WDPCP: variants seen among roughly 807,000 people sequenced by gnomAD.
WDPCP encodes WD repeat containing planar cell polarity effector.
WDPCP carries 71 observed loss-of-function variants against 93.1 expected under a neutral mutation model. That is an observed-to-expected ratio of 0.76 (90% CI 0.63 to 0.93). The LOEUF (loss-of-function observed/expected upper bound fraction) is 0.93. WDPCP is among the 40% of genes least tolerant of loss of function. The pLI is 0.00. For synonymous variants in WDPCP, 315 were observed against 315.0 expected, an observed-to-expected ratio of 1.00 and a Z score of 0.00; for missense variants, 844 against 887.4, an observed-to-expected ratio of 0.95 and a Z score of 0.62.
chr2:63,380,712 G>C (rs991042215), intron 11 of WDPCP, among the ~76,000 whole-genome samples: 2 of 152,062 alleles, frequency 1.3e-5, no homozygotes, highest in African/African-American at 4.8e-5. Flanking sequence ...AACAGAGTGA[G>C]ACTGTCTCTA....
chr2:63,768,421 T>C (rs768506950), intron 2 of WDPCP, among the ~76,000 whole-genome samples: 1 of 151,970 alleles, frequency 6.6e-6, no homozygotes, highest in Non-Finnish European at 1.5e-5. Flanking sequence ...TGTCAACTTT[T>C]AAAAAATCTG....
chr2:63,510,125 CAAAAAAAGAAA>C (rs992277379), intron 1 of WDPCP, among the ~76,000 whole-genome samples: 15 of 151,912 alleles, frequency 9.9e-5, no homozygotes, highest in Non-Finnish European at 1.9e-4. Flanking sequence ...AGAGACACAA[CAAAAAAAGAAA>C]ATTTCAGGCC....
rs577172000 is a variant in WDPCP, at chr2:63,756,212, C to T, written n.308+57410G>A. Among the ~76,000 whole-genome samples the T allele has an allele frequency of 8.5e-5, 13 of 152,302 alleles. No homozygotes were observed. In the East Asian group the frequency reaches 1.7e-3, roughly 20 times the overall value. On this transcript the variant is annotated intron_variant and non_coding_transcript_variant, in intron 2 of 4. Coordinates refer to the WDPCP transcript ENST00000467687. Reference sequence around the variant, plus strand: ...CTCAGAACTAGTCTTGCCCACATTTCCACTGAAGATAGTATATATTCATTC... The same window carrying T: ...CTCAGAACTAGTCTTGCCCACATTTTCACTGAAGATAGTATATATTCATTC...
chr2:63,778,750 G>C (rs571790196), intron 2 of WDPCP, among the ~76,000 whole-genome samples: 1 of 152,214 alleles, frequency 6.6e-6, no homozygotes, highest in African/African-American at 2.4e-5. Context: ...GCTCTCTTTT[G>C]ATAAACATAA....
chr2:63,787,875 A>G (rs1670491870), intron 2 of WDPCP, among the ~76,000 whole-genome samples: 1 of 151,916 alleles, frequency 6.6e-6, no homozygotes, highest in Admixed American at 6.6e-5. Context: ...CCCCATCTCT[A>G]CTAAAAATAC....
At chr2:63,251,716 C>A (rs1355910632) in intron 14 of WDPCP, among the ~76,000 whole-genome samples, 1 of 151,886 alleles carries the variant, frequency 6.6e-6, no homozygotes, top group Non-Finnish European at 1.5e-5. Flanking sequence ...TGGTCTCGAT[C>A]TCCTGACCTC....
At chr2:63,495,069 G>A (rs761568272) in intron 1 of WDPCP, among the ~76,000 whole-genome samples, 7 of 151,964 alleles carry the variant, frequency 4.6e-5, no homozygotes, top group African/African-American at 7.3e-5. Flanking sequence ...ACTTTCTTCC[G>A]TGCATTAAAT....
rs1575764622 is a variant in WDPCP, at chr2:63,752,368, G to A, written n.308+61254C>T. The A allele has an allele frequency of 2.1e-5, 16 of 772,116 alleles. No individual in the cohort carries two copies. In the Middle Eastern group the frequency reaches 4.4e-3, roughly 212 times the overall value. The allele number at this position is 772,116 out of a possible 1,614,324, so 47.8% of individuals were successfully genotyped here. On this transcript the variant is annotated intron_variant and non_coding_transcript_variant, in intron 2 of 4. Coordinates refer to the WDPCP transcript ENST00000467687. The stretch of plus-strand genomic sequence containing the variant: ...CTGGTCTTTGAGAACCTTCTCTTGA[G>A]ATAGCCCTCTTTGGTTCCACAGCTT...
At chr2:63,787,285 C>T (rs533083796) in intron 2 of WDPCP, among the ~76,000 whole-genome samples, 19 of 152,154 alleles carry the variant, frequency 1.2e-4, no homozygotes, top group Middle Eastern at 3.2e-3. Flanking sequence ...AGACAGGCAT[C>T]CAAGACAAAT....
intron 13 of WDPCP, among the ~76,000 whole-genome samples, chr2:63,292,132 C>CAAA (rs58370764): frequency 4.8e-5 from 4 of 83,376 alleles, no homozygotes; most frequent in East Asian, 3.3e-4. Context: ...GACTCCGGCT[C>CAAA]AAAAAAAAAA....
At chr2:63,703,975 T>C (rs1011117513) in intron 2 of WDPCP, among the ~76,000 whole-genome samples, 6 of 152,202 alleles carry the variant, frequency 3.9e-5, no homozygotes, top group Non-Finnish European at 7.3e-5. Context: ...TTTTATTTCA[T>C]TGAGCAGTGG....
intron 3 of WDPCP, chr2:63,594,501 G>C: frequency 6.2e-7 from 1 of 1,613,224 alleles, no homozygotes; most frequent in Non-Finnish European, 8.5e-7. Flanking sequence ...GAACCAATCA[G>C]AGTCCTTGTG....
chr2:63,553,489 T>C lies in WDPCP; in HGVS notation c.75+34708A>G, dbSNP rs577006643. ...TTCATCTCTGTTTGGAAATGATTTA[T>C]GCATTTTGGAGTGCAGGGTATTTTT... is the stretch of plus-strand genomic sequence containing the variant. On this transcript the variant is annotated intron_variant, in intron 1 of 17. Transcript: ENST00000272321. 1.4e-3 allele frequency among the ~76,000 whole-genome samples: 218 copies of C among 152,344 alleles called. 1 individual carries two copies. Among genetic ancestry groups the C allele is most frequent in the African/African-American group, 5.1e-3 (211 of 41,578 alleles).
Position 63,487,464 on chromosome 2 carries a change from T to A in WDPCP, c.191A>T (p.Asp64Val). The change falls in exon 3 of 18, where the codon GAC becomes GTC. Residue 64 changes from aspartate (D) to valine (V), a missense_variant. Physicochemically the swap from Asp to Val is radical, Grantham distance 152 (BLOSUM62 -3). Coordinates refer to ENST00000272321, the MANE Select transcript of WDPCP (RefSeq NM_015910.7). ...TACTTTACCTGGTGGATCTTTCTTG[T>A]CATAATACTGGTAGATCCCAATGTC... ...DRDIGIYQYY[D>V]KKDPPATEHG... The A allele has an allele frequency of 1.9e-6, 3 of 1,593,574 alleles. No homozygotes were observed. Among genetic ancestry groups the A allele is most frequent in the Non-Finnish European group, 2.6e-6 (3 of 1,162,758 alleles).
chr2:63,467,472 A>G (rs1264942573), intron 6 of WDPCP, among the ~76,000 whole-genome samples: 3 of 151,254 alleles, frequency 2.0e-5, no homozygotes, highest in Admixed American at 1.3e-4. Flanking sequence ...ACCCCATCTC[A>G]AAAAAACAAA....
intron 2 of WDPCP, among the ~76,000 whole-genome samples, chr2:63,761,619 C>A (rs775418808): frequency 4.6e-5 from 7 of 152,118 alleles, no homozygotes; most frequent in Admixed American, 1.3e-4. Context: ...AGGAAACATC[C>A]AGCATGGGAG....
intron 1 of WDPCP, among the ~76,000 whole-genome samples, chr2:63,509,699 A>G (rs761486529): frequency 1.3e-5 from 2 of 152,158 alleles, no homozygotes; most frequent in Non-Finnish European, 2.9e-5. Flanking sequence ...ATAATAAAGG[A>G]GAAAAGAGAG....
intron 3 of WDPCP, among the ~76,000 whole-genome samples, chr2:63,619,980 G>A (rs4567921): frequency 0.19 from 29,294 of 152,128 alleles, 3,654 homozygotes; most frequent in Non-Finnish European, 0.25. Flanking sequence ...GAAAAATGGT[G>A]CATTCCGGCC....
intron 3 of WDPCP, chr2:63,643,370 TG>T (rs1710004079): frequency 5.4e-6 from 2 of 370,734 alleles, no homozygotes; most frequent in Admixed American, 3.3e-5. Flanking sequence ...TTGTTGCTCT[TG>T]CCAATAACAA....
Sources: allele counts gnomAD v4.1 joint callset (sites outside exome capture counted in the v4.1 genomes callset), GRCh38; gene constraint gnomAD v4.1.1; transcripts MANE v1.5; gene names NCBI Gene and HGNC (gene_info 2026-07-23, HGNC 2026-07-21).